CACHD1: variants seen among roughly 807,000 people sequenced by gnomAD.
CACHD1 encodes the protein cache domain containing 1, also known as VWFA and cache domain-containing protein 1.
Under a neutral mutation model 138.7 loss-of-function variants are expected in CACHD1, and 71 were observed. The ratio of observed to expected loss-of-function variants is 0.51; its 90% CI spans 0.42 to 0.62. The LOEUF (loss-of-function observed/expected upper bound fraction) is 0.62, where lower values mean the gene tolerates loss of function less well. Ranked by LOEUF, CACHD1 falls within the 20% of genes least tolerant of loss-of-function variation. The pLI, the probability that CACHD1 is intolerant of heterozygous loss-of-function variation, is 0.00. For synonymous variants in CACHD1, 578 were observed against 591.5 expected (o/e 0.98, Z 0.33); for missense variants, 1,389 against 1,625.3 (o/e 0.85, Z 2.50).
chr1:64,524,307 A>G (rs1646520585), intron 1 of CACHD1, among the ~76,000 whole-genome samples: 1 of 152,228 alleles, frequency 6.6e-6, no homozygotes, highest in Non-Finnish European at 1.5e-5. Flanking sequence ...AAGTATGTGA[A>G]TGAATATTGA....
chr1:64,620,306 G>A (rs936306370), intron 4 of CACHD1, among the ~76,000 whole-genome samples: 2 of 152,102 alleles, frequency 1.3e-5, no homozygotes, highest in Non-Finnish European at 2.9e-5. Context: ...GTTTAGAAAT[G>A]TGACTTAATA....
intron 1 of CACHD1, among the ~76,000 whole-genome samples, chr1:64,483,931 T>G (rs1646226456): frequency 6.8e-6 from 1 of 147,728 alleles, no homozygotes; most frequent in Middle Eastern, 3.2e-3. Context: ...CCAGAACCTT[T>G]GAACTTGCTG....
intron 1 of CACHD1, among the ~76,000 whole-genome samples, chr1:64,541,703 G>T (rs1016895959): frequency 1.3e-5 from 2 of 152,098 alleles, no homozygotes; most frequent in Non-Finnish European, 2.9e-5. Flanking sequence ...GTGCTGGTAC[G>T]CTCCTGTATT....
intron 1 of CACHD1, among the ~76,000 whole-genome samples, chr1:64,546,951 A>C (rs1048922349): frequency 1.3e-5 from 2 of 152,204 alleles, no homozygotes; most frequent in African/African-American, 4.8e-5. Context: ...TTTTTCCTAC[A>C]TGCAAGTATT....
At chr1:64,485,164 G>T (rs1646235172) in intron 1 of CACHD1, among the ~76,000 whole-genome samples, 2 of 152,144 alleles carry the variant, frequency 1.3e-5, no homozygotes, top group South Asian at 4.1e-4. Flanking sequence ...TTGTTTTACA[G>T]TAGCTATCCT....
At chr1:64,567,325 G>A (rs1646890641) in intron 2 of CACHD1, among the ~76,000 whole-genome samples, 1 of 152,000 alleles carries the variant, frequency 6.6e-6, no homozygotes, top group South Asian at 2.1e-4. Context: ...ATCTCATCTA[G>A]TGTGGCATTA....
intron 1 of CACHD1, among the ~76,000 whole-genome samples, chr1:64,544,597 C>T (rs541142609): frequency 2.7e-5 from 4 of 150,288 alleles, no homozygotes; most frequent in Admixed American, 6.6e-5. Flanking sequence ...TGCACACGTG[C>T]GCACAAACAC....
At chr1:64,688,304 T>C (rs11208504) in intron 26 of CACHD1, among the ~76,000 whole-genome samples, 22,873 of 152,160 alleles carry the variant, frequency 0.15, 2,657 homozygotes, top group East Asian at 0.63. Context: ...GGTTTTAATA[T>C]GCACAGCAGT....
At chr1:64,539,181 C>G (rs188027565) in intron 1 of CACHD1, among the ~76,000 whole-genome samples, 82 of 152,138 alleles carry the variant, frequency 5.4e-4, no homozygotes, top group African/African-American at 1.9e-3. Flanking sequence ...TTTTTCTTTG[C>G]GAAAAGGCTT....
intron 15 of CACHD1, among the ~76,000 whole-genome samples, chr1:64,665,439 G>A (rs897983285): frequency 2.5e-4 from 38 of 151,788 alleles, no homozygotes; most frequent in African/African-American, 9.0e-4. Flanking sequence ...CAGCCTGGGC[G>A]ATAGAATGAG....
chr1:64,612,075 T>G (rs963199601), intron 4 of CACHD1, among the ~76,000 whole-genome samples: 1 of 152,114 alleles, frequency 6.6e-6, no homozygotes, highest in Admixed American at 6.5e-5. Context: ...TAGTGAGAAC[T>G]CACTATCATG....
At chr1:64,553,930 T>A (rs557329326) in intron 2 of CACHD1, among the ~76,000 whole-genome samples, 1 of 152,316 alleles carries the variant, frequency 6.6e-6, no homozygotes, top group African/African-American at 2.4e-5. Flanking sequence ...TGTTGACATC[T>A]GTAATTAAGG....
At chr1:64,590,335 A>G (rs989252293) in intron 3 of CACHD1, among the ~76,000 whole-genome samples, 2 of 151,868 alleles carry the variant, frequency 1.3e-5, no homozygotes, top group Non-Finnish European at 2.9e-5. Flanking sequence ...AAAAAAAAAA[A>G]AAAAAAAAAG....
rs78411038 is a variant in CACHD1 at position 64,513,611 on chromosome 1, C to A, written c.199-36983C>A. Among the ~76,000 whole-genome samples, 789 of 152,222 alleles carry A rather than the reference C, an allele frequency of 5.2e-3. 7 individuals are homozygous for A. The highest frequency in any genetic ancestry group is 0.018 in the African/African-American group (757 of 41,512). Reference sequence around the variant, plus strand: ...CACAAGGCATTTGACATTTGAGTTGCATCTTGCCAGGAATGGTAGCCATGA... The same window carrying A: ...CACAAGGCATTTGACATTTGAGTTGAATCTTGCCAGGAATGGTAGCCATGA... On this transcript the variant is annotated intron_variant, in intron 1 of 26. Coordinates refer to ENST00000651257, the MANE Select transcript of CACHD1 (RefSeq NM_020925.4).
intron 1 of CACHD1, among the ~76,000 whole-genome samples, chr1:64,492,936 C>G (rs1646286860): frequency 6.6e-6 from 1 of 152,210 alleles, no homozygotes; most frequent in African/African-American, 2.4e-5. Context: ...ACTACATCTG[C>G]TTTCCCTGAA....
intron 23 of CACHD1, among the ~76,000 whole-genome samples, chr1:64,679,128 A>T (rs1297431413): frequency 6.6e-6 from 1 of 152,164 alleles, no homozygotes; most frequent in African/African-American, 2.4e-5. Flanking sequence ...GCAGTTTCCT[A>T]TCTGGAAAGC....
chr1:64,672,720 T>C (rs565421484), intron 17 of CACHD1, among the ~76,000 whole-genome samples: 47 of 152,318 alleles, frequency 3.1e-4, no homozygotes, highest in African/African-American at 1.1e-3. Context: ...CGTGTTGTTA[T>C]TTTGTGTATA....
At chr1:64,631,497 C>T (rs1017289267) in intron 5 of CACHD1, among the ~76,000 whole-genome samples, 4 of 152,128 alleles carry the variant, frequency 2.6e-5, no homozygotes, top group Non-Finnish European at 5.9e-5. Context: ...TTTTTTGGTA[C>T]TTTGCCTGCG....
intron 8 of CACHD1, among the ~76,000 whole-genome samples, chr1:64,644,203 T>A (rs1424357536): frequency 6.6e-6 from 1 of 152,206 alleles, no homozygotes; most frequent in East Asian, 1.9e-4. Flanking sequence ...CCTGTTGCTC[T>A]TTTCTCCTTT....
Sources: allele counts gnomAD v4.1 joint callset (sites outside exome capture counted in the v4.1 genomes callset), GRCh38; gene constraint gnomAD v4.1.1; transcripts MANE v1.5; gene names NCBI Gene and HGNC (gene_info 2026-07-23, HGNC 2026-07-21).